The following PCDH11X variants were observed in gnomAD, a reference collection of about 807,000 sequenced individuals.
PCDH11X encodes the protein protocadherin-11 X-linked.
A neutral mutation model predicts 53.3 loss-of-function variants in PCDH11X; 18 were observed. The observed-to-expected ratio is 0.34, with a 90% CI of 0.23 to 0.50. PCDH11X has a LOEUF of 0.50. Ranked by LOEUF, PCDH11X falls within the 20% of genes least tolerant of loss-of-function variation. PCDH11X has a pLI of 0.98. For synonymous variants in PCDH11X, 279 were observed against 393.3 expected, an observed-to-expected ratio of 0.71 and a Z score of 3.44; for missense variants, 570 against 1,032.4, an observed-to-expected ratio of 0.55 and a Z score of 6.14.
At chrX:92,201,274 C>T (rs1327310665) in intron 6 of PCDH11X, 101 bp from the exon 7 acceptor site, 3 of 1,055,351 alleles carry the variant, frequency 2.8e-6, no homozygotes, top group East Asian at 3.6e-5. Context: ...TCTACCCAGG[C>T]ACTATTTTAG....
At chrX:92,470,902 G>C (rs140495317) in intron 10 of PCDH11X, among the ~76,000 whole-genome samples, 3,348 of 109,863 alleles carry the variant, frequency 0.03, 91 homozygotes, top group East Asian at 0.13. Context: ...ATATTGGCCT[G>C]TTTTCTTTTT....
rs1417341416 is a variant in PCDH11X at position 92,618,350 on chromosome X, T to C, written c.3454T>C (p.Cys1152Arg). The C allele has an allele frequency of 8.3e-7, 1 of 1,210,097 alleles. No individual in the cohort carries two copies. Among genetic ancestry groups the C allele is most frequent in the East Asian group, 3.0e-5 (1 of 33,769 alleles). ...TCTCATCTATGGCCATTCTGATGCC[T>C]GCTGGATGCCGGCATCTCTGGATCA... is the stretch of plus-strand genomic sequence containing the variant. ...ECLIYGHSDA[C>R]WMPASLDHSS... The change falls in exon 11 of 11, where the codon TGC becomes CGC. Residue 1152 changes from cysteine to arginine, a missense_variant. Cys to Arg is a radical substitution (Grantham distance 180, BLOSUM62 -3). This residue lies in a region of PCDH11X where 234 missense variants were observed against 296.1 expected (regional missense o/e 0.79). Transcript: ENST00000682573.
chrX:92,054,610 C>T (rs1234069846), intron 6 of PCDH11X, among the ~76,000 whole-genome samples: 2 of 110,522 alleles, frequency 1.8e-5, no homozygotes, highest in South Asian at 3.9e-4. Context: ...CACCTGAGGT[C>T]GGGAGTTCGA....
At chrX:91,960,479 C>A (rs2061772005) in intron 6 of PCDH11X, among the ~76,000 whole-genome samples, 2 of 110,547 alleles carry the variant, frequency 1.8e-5, no homozygotes, top group Non-Finnish European at 3.8e-5. Context: ...CGCTGGAGTG[C>A]AGTGGCGCAA....
chrX:92,387,963 T>C (rs1192688690), intron 9 of PCDH11X, 30 bp downstream of exon 9: 18 of 1,188,386 alleles, frequency 1.5e-5, no homozygotes, highest in Admixed American at 2.2e-5. Flanking sequence ...TTCCTCAATA[T>C]AAACGGGCTT....
chrX:92,506,216 C>CTTTTTTTTTTTTTTTTTTTTTT, intron 10 of PCDH11X, among the ~76,000 whole-genome samples: 1 of 40,207 alleles, frequency 2.5e-5, no homozygotes, highest in Non-Finnish European at 4.1e-5. Context: ...CTTTTCTTTT[C>CTTTTTTTTTTTTTTTTTTTTTT]TTTTTTTTTT....
chrX:92,184,264 T>A (rs189093536), intron 6 of PCDH11X, among the ~76,000 whole-genome samples: 1 of 112,132 alleles, frequency 8.9e-6, no homozygotes, highest in Non-Finnish European at 1.9e-5. Flanking sequence ...TTTATTTAGA[T>A]CCTCATATGT....
chrX:92,395,893 G>A (rs1403697537), intron 9 of PCDH11X, among the ~76,000 whole-genome samples: 1 of 108,696 alleles, frequency 9.2e-6, no homozygotes, highest in Non-Finnish European at 1.9e-5. Context: ...CACTCAAGGG[G>A]ACTGTTACAA....
At chrX:92,205,041 G>T (rs1274040159) in intron 7 of PCDH11X, among the ~76,000 whole-genome samples, 1 of 111,717 alleles carries the variant, frequency 9.0e-6, no homozygotes, top group Non-Finnish European at 1.9e-5. Flanking sequence ...TTCAAAGTGA[G>T]AGTTGGGTAG....
intron 10 of PCDH11X, among the ~76,000 whole-genome samples, chrX:92,610,327 T>G (rs984460831): frequency 9.1e-6 from 1 of 110,486 alleles, no homozygotes; most frequent in Non-Finnish European, 1.9e-5. Flanking sequence ...GTGGTTTTGA[T>G]TTGCATTTAT....
At chrX:91,924,536 G>A (rs1398508149) in intron 6 of PCDH11X, among the ~76,000 whole-genome samples, 2 of 111,470 alleles carry the variant, frequency 1.8e-5, no homozygotes, top group African/African-American at 3.3e-5. Context: ...AGTAATACAC[G>A]CACACACACA....
intron 5 of PCDH11X, among the ~76,000 whole-genome samples, chrX:91,853,438 G>T (rs1938147062): frequency 9.3e-6 from 1 of 107,993 alleles, no homozygotes; most frequent in African/African-American, 3.4e-5. Flanking sequence ...ATAAAAAATT[G>T]GAATGAGAAA....
chrX:92,117,204 A>C (rs780578663), intron 6 of PCDH11X, among the ~76,000 whole-genome samples: 1 of 108,957 alleles, frequency 9.2e-6, no homozygotes, highest in Non-Finnish European at 1.9e-5. Context: ...TGGGAGGCCA[A>C]GGCGGGTGGA....
chrX:92,278,704 T>C (rs965172556), intron 8 of PCDH11X, among the ~76,000 whole-genome samples: 3 of 110,611 alleles, frequency 2.7e-5, no homozygotes, highest in African/African-American at 9.9e-5. Context: ...TTCACTTCTT[T>C]TGTGATTCTT....
At chrX:92,045,938 C>CAAA (rs201666869) in intron 6 of PCDH11X, among the ~76,000 whole-genome samples, 15 of 90,804 alleles carry the variant, frequency 1.7e-4, no homozygotes, top group Admixed American at 3.8e-4. Context: ...GACTCCATTA[C>CAAA]AAAAAAAAAA....
chrX:92,067,728 T>C (rs376143704), intron 6 of PCDH11X, among the ~76,000 whole-genome samples: 1 of 111,504 alleles, frequency 9.0e-6, no homozygotes, highest in Admixed American at 9.5e-5. Context: ...AAAGTTTGAG[T>C]AGAATTGGTA....
intron 9 of PCDH11X, among the ~76,000 whole-genome samples, chrX:92,450,016 CTT>C (rs2072746951): frequency 9.0e-6 from 1 of 110,554 alleles, no homozygotes; most frequent in African/African-American, 3.3e-5. Context: ...TAAATAATAA[CTT>C]TATTATAGAG....
At chrX:91,893,409 G>A (rs1451382008) in intron 6 of PCDH11X, among the ~76,000 whole-genome samples, 1 of 104,536 alleles carries the variant, frequency 9.6e-6, no homozygotes, top group African/African-American at 3.5e-5. Context: ...GTGCAGTGGC[G>A]CGATCTCGGC....
intron 6 of PCDH11X, among the ~76,000 whole-genome samples, chrX:92,042,937 C>T (rs147231766): frequency 0.035 from 3,809 of 109,878 alleles, 58 homozygotes; most frequent in African/African-American, 0.04. Context: ...CCGCGCCCGG[C>T]CGTTGATCAT....
Sources: gnomAD v4.1 joint callset for allele counts (sites outside exome capture counted in the v4.1 genomes callset) on GRCh38, gnomAD v4.1.1 for gene constraint, gnomAD v4.1.1 regional missense constraint, MANE v1.5 for transcripts, NCBI Gene and HGNC (gene_info 2026-07-23, HGNC 2026-07-21) for gene names.